SHISA6: variants seen among roughly 807,000 people sequenced by gnomAD.
SHISA6 encodes protein shisa-6.
A neutral mutation model predicts 47.9 loss-of-function variants in SHISA6; 22 were observed. That is an observed-to-expected ratio of 0.46 (90% CI 0.33 to 0.66). The LOEUF (loss-of-function observed/expected upper bound fraction) is 0.66. Among genes scored for constraint, SHISA6 ranks in the 30% least tolerant of loss-of-function variants. The pLI is 0.02. For missense variants in SHISA6, 680 were observed against 764.6 expected (o/e 0.89, Z 1.30); for synonymous variants, 388 against 337.8 (o/e 1.15, Z -1.63).
intron 3 of SHISA6, among the ~76,000 whole-genome samples, chr17:11,468,529 G>C (rs973359024): frequency 8.5e-5 from 13 of 152,052 alleles, no homozygotes; most frequent in African/African-American, 3.1e-4. Context: ...TTAGGAGAAG[G>C]GGGGCTCTGG....
At chr17:11,417,514 C>G (rs749272927) in intron 3 of SHISA6, among the ~76,000 whole-genome samples, 1 of 152,184 alleles carries the variant, frequency 6.6e-6, no homozygotes, top group African/African-American at 2.4e-5. Context: ...TGGACATTCT[C>G]CAGGACAGCG....
chr17:11,556,621 C>A (rs2071982706), intron 5 of SHISA6, among the ~76,000 whole-genome samples: 1 of 152,124 alleles, frequency 6.6e-6, no homozygotes, highest in African/African-American at 2.4e-5. Flanking sequence ...TTCAGGGTAA[C>A]CTACCCTGAC....
chr17:11,525,966 GTCACTGCACTCC>G (rs2071675984), intron 3 of SHISA6, among the ~76,000 whole-genome samples: 3 of 151,658 alleles, frequency 2.0e-5, no homozygotes, highest in Admixed American at 2.0e-4. Flanking sequence ...CTGAGATCAT[GTCACTGCACTCC>G]AGTCTGGGCA....
chr17:11,273,648 C>T (rs1041512883), intron 2 of SHISA6, among the ~76,000 whole-genome samples: 4 of 152,198 alleles, frequency 2.6e-5, no homozygotes, highest in Non-Finnish European at 5.9e-5. Flanking sequence ...GGCTAGGAGC[C>T]TTCATTATCA....
At chr17:11,259,781 C>A (rs1003944847) in intron 1 of SHISA6, among the ~76,000 whole-genome samples, 2 of 152,190 alleles carry the variant, frequency 1.3e-5, no homozygotes, top group African/African-American at 4.8e-5. Flanking sequence ...AATTAGCTGA[C>A]CCAGCTGGAG....
At chr17:11,388,412 T>C (rs1459976146) in intron 3 of SHISA6, among the ~76,000 whole-genome samples, 4 of 152,064 alleles carry the variant, frequency 2.6e-5, no homozygotes, top group Non-Finnish European at 4.4e-5. Flanking sequence ...AGAGGAACTC[T>C]CGGGTTCTGG....
chr17:11,473,682 A>C (rs1310758034), intron 3 of SHISA6, among the ~76,000 whole-genome samples: 4 of 152,288 alleles, frequency 2.6e-5, no homozygotes, highest in African/African-American at 9.6e-5. Flanking sequence ...TATGGAAAAA[A>C]CAGATGGACA....
At chr17:11,462,064 C>A (rs1915705664) in intron 3 of SHISA6, among the ~76,000 whole-genome samples, 2 of 151,916 alleles carry the variant, frequency 1.3e-5, no homozygotes, top group African/African-American at 4.8e-5. Context: ...TCAGGCAAAG[C>A]CATATAAGAG....
At chr17:11,540,287 C>T (rs2071822484) in intron 3 of SHISA6, among the ~76,000 whole-genome samples, 1 of 152,186 alleles carries the variant, frequency 6.6e-6, no homozygotes, top group African/African-American at 2.4e-5. Flanking sequence ...CATTCTGTGG[C>T]TGCTGGTTGG....
intron 3 of SHISA6, among the ~76,000 whole-genome samples, chr17:11,422,297 GA>G (rs1914470214): frequency 6.6e-6 from 1 of 152,180 alleles, no homozygotes; most frequent in African/African-American, 2.4e-5. Flanking sequence ...CAACAAAAAT[GA>G]GAGGCAAGAG....
chr17:11,443,175 C>T (rs1915138295), intron 3 of SHISA6, among the ~76,000 whole-genome samples: 1 of 152,170 alleles, frequency 6.6e-6, no homozygotes. Flanking sequence ...GAAGGACACC[C>T]CTGGGATTTG....
At chr17:11,486,384 G>C (rs1916350047) in intron 3 of SHISA6, among the ~76,000 whole-genome samples, 1 of 152,186 alleles carries the variant, frequency 6.6e-6, no homozygotes, top group African/African-American at 2.4e-5. Context: ...CCAGGGACCC[G>C]GGTCTCTTTG....
At chr17:11,346,210 T>C (rs995245416) in intron 2 of SHISA6, among the ~76,000 whole-genome samples, 2 of 152,144 alleles carry the variant, frequency 1.3e-5, no homozygotes, top group Non-Finnish European at 2.9e-5. Context: ...GATAATCATA[T>C]GGGTTTTTTG....
At chr17:11,402,524 C>G (rs142874597) in intron 3 of SHISA6, among the ~76,000 whole-genome samples, 1 of 152,318 alleles carries the variant, frequency 6.6e-6, no homozygotes, top group East Asian at 1.9e-4. Flanking sequence ...GGAATACACC[C>G]TTAGGCTCTT....
chr17:11,546,034 T>C (rs984664409), intron 3 of SHISA6, among the ~76,000 whole-genome samples: 2 of 152,194 alleles, frequency 1.3e-5, no homozygotes, highest in African/African-American at 4.8e-5. Context: ...TCCTATCTAA[T>C]GAGTGGATGG....
At chr17:11,493,865 CAA>C (rs1339234248) in intron 3 of SHISA6, among the ~76,000 whole-genome samples, 2 of 152,056 alleles carry the variant, frequency 1.3e-5, no homozygotes, top group Non-Finnish European at 2.9e-5. Context: ...TGTACACGCA[CAA>C]AGTCATTTTA....
chr17:11,542,196 C>T (rs2071839842), intron 3 of SHISA6, among the ~76,000 whole-genome samples: 1 of 152,086 alleles, frequency 6.6e-6, no homozygotes, highest in Non-Finnish European at 1.5e-5. Context: ...AAAACAGACT[C>T]AGCAGATTTG....
intron 2 of SHISA6, among the ~76,000 whole-genome samples, chr17:11,295,999 T>A (rs1411004220): frequency 1.3e-5 from 2 of 148,734 alleles, no homozygotes; most frequent in African/African-American, 4.9e-5. Context: ...GGGGAGAACA[T>A]TCCAGGCAAT....
chr17:11,393,018 T>C (rs147243264), intron 3 of SHISA6, among the ~76,000 whole-genome samples: 1 of 152,240 alleles, frequency 6.6e-6, no homozygotes, highest in Non-Finnish European at 1.5e-5. Flanking sequence ...GCCTCGCTCT[T>C]GAGCATTTGC....
Sources: allele counts gnomAD v4.1 joint callset (sites outside exome capture counted in the v4.1 genomes callset), GRCh38; gene constraint gnomAD v4.1.1; transcripts MANE v1.5; gene names NCBI Gene and HGNC (gene_info 2026-07-23, HGNC 2026-07-21).